The following C2CD5 variants were observed in gnomAD, a reference collection of about 807,000 sequenced individuals.
C2CD5 encodes the protein C2 calcium dependent domain containing 5.
Under a neutral mutation model 130.3 loss-of-function variants are expected in C2CD5, and 109 were observed. The observed-to-expected ratio is 0.84, with a 90% CI of 0.72 to 0.98. The LOEUF (loss-of-function observed/expected upper bound fraction) is 0.98, where lower values mean the gene tolerates loss of function less well. Ranked by LOEUF, C2CD5 falls within the 50% of genes least tolerant of loss-of-function variation. The pLI is 0.00. For missense variants in C2CD5, 996 were observed against 1,261.8 expected, an observed-to-expected ratio of 0.79 and a Z score of 3.19; for synonymous variants, 454 against 429.2, an observed-to-expected ratio of 1.06 and a Z score of -0.71.
At chr12:22,518,508 T>C (rs1389232788) in intron 7 of C2CD5, among the ~76,000 whole-genome samples, 1 of 152,216 alleles carries the variant, frequency 6.6e-6, no homozygotes, top group African/African-American at 2.4e-5. Flanking sequence ...TAAATATTCA[T>C]AATTGTTTTT....
chr12:22,510,259 C>T (rs1411830561), intron 9 of C2CD5, among the ~76,000 whole-genome samples: 2 of 152,024 alleles, frequency 1.3e-5, no homozygotes, highest in African/African-American at 4.8e-5. Flanking sequence ...GCACATCCCG[C>T]TTTCAATGTC....
At chr12:22,467,999 A>AC (rs1227825322) in intron 22 of C2CD5, among the ~76,000 whole-genome samples, 1 of 151,474 alleles carries the variant, frequency 6.6e-6, no homozygotes, top group Non-Finnish European at 1.5e-5. Context: ...GCTAACAGGG[A>AC]CCCCAAGTCC....
intron 6 of C2CD5, 117 bp downstream of exon 6, chr12:22,524,355 T>G: frequency 1.3e-6 from 1 of 772,712 alleles, no homozygotes; most frequent in South Asian, 1.6e-5. Context: ...GGGGAAGGCA[T>G]GCAGTCACTT....
intron 7 of C2CD5, among the ~76,000 whole-genome samples, chr12:22,518,760 G>A (rs76674134): frequency 0.021 from 3,195 of 152,260 alleles, 116 homozygotes; most frequent in African/African-American, 0.07. Flanking sequence ...AGCTTTGGCA[G>A]CTATTTCATT....
chr12:22,471,378 A>T, intron 20 of C2CD5, 21 bp downstream of exon 20: 1 of 1,225,374 alleles, frequency 8.2e-7, no homozygotes, highest in Non-Finnish European at 1.2e-6. Flanking sequence ...AAAGACTAAT[A>T]ATGGACTAAA....
chr12:22,461,703 C>T (rs1941193618), intron 22 of C2CD5, among the ~76,000 whole-genome samples: 1 of 151,922 alleles, frequency 6.6e-6, no homozygotes, highest in Non-Finnish European at 1.5e-5. Flanking sequence ...TCACGATATA[C>T]ATGTATTACT....
chr12:22,506,138 C>A (rs1948502736), intron 10 of C2CD5, among the ~76,000 whole-genome samples: 1 of 152,076 alleles, frequency 6.6e-6, no homozygotes, highest in Non-Finnish European at 1.5e-5. Flanking sequence ...TGGTTTGGTT[C>A]CCTCTGCTAC....
intron 25 of C2CD5, among the ~76,000 whole-genome samples, chr12:22,456,210 T>C (rs1939820525): frequency 6.6e-6 from 1 of 152,180 alleles, no homozygotes; most frequent in Non-Finnish European, 1.5e-5. Context: ...ATAATGAATA[T>C]ACTTTTTAAA....
In C2CD5 at chr12:22,484,764, G is replaced by T. The variant is rs1453911345; in HGVS notation, c.1483C>A (p.Leu495Met). The T allele has an allele frequency of 6.2e-7, 1 of 1,609,966 alleles. No homozygotes were observed. Among genetic ancestry groups the T allele is most frequent in the Non-Finnish European group, 8.5e-7 (1 of 1,177,744 alleles). The change falls in exon 13 of 27, where the codon CTG (leucine) becomes ATG (methionine). Residue 495 changes from leucine to methionine, a missense_variant. By Grantham distance (15) the Leu-to-Met change is conservative (BLOSUM62 2). Around this residue, in one of 9 missense-constraint regions of C2CD5, gnomAD observed 590 missense variants for 631.4 expected, o/e 0.93. Coordinates refer to ENST00000446597, the MANE Select transcript of C2CD5 (RefSeq NM_001286176.2). ...GTTGGGAGGTCTATAGTTGTAAACA[G>T]AACATCAGGAACTTTTTGTTTCCTG... ...NCRKQKVPDVLFTTIDLPTDA... is the reference protein window; with the variant it reads ...NCRKQKVPDVMFTTIDLPTDA...
At chr12:22,471,251 T>C (rs1383435830) in intron 20 of C2CD5, 148 bp downstream of exon 20, 7 of 594,938 alleles carry the variant, frequency 1.2e-5, no homozygotes, top group South Asian at 4.8e-5. Flanking sequence ...GAAACACACA[T>C]GGCCTAATGC....
intron 24 of C2CD5, 94 bp from the exon 25 acceptor site, chr12:22,457,255 C>T: frequency 3.8e-6 from 3 of 792,626 alleles, no homozygotes; most frequent in East Asian, 3.0e-5. Flanking sequence ...CAACATTCAG[C>T]TGTCTGTGAG....
In C2CD5 at chr12:22,474,909, G is replaced by C; in HGVS notation, c.1903-18C>G. On this transcript the variant is annotated intron_variant, in intron 15 of 26. Transcript: ENST00000446597. ...GATATCTCCTAAAAGAAATATAATT[G>C]TTTTATATCATATGAGATTGTCTTT... 1 of 1,513,686 alleles carries C rather than the reference G, an allele frequency of 6.6e-7. No homozygotes were observed. 93.8% of individuals were successfully genotyped at this position (1,513,686 alleles called of 1,614,324 possible). A position where few individuals can be genotyped will look rare whatever the true frequency, so the allele number is the denominator to read the frequency against.
chr12:22,535,373 A>T, intron 2 of C2CD5, 29 bp from the exon 3 acceptor site: 1 of 1,154,314 alleles, frequency 8.7e-7, no homozygotes, highest in Non-Finnish European at 1.3e-6. Flanking sequence ...TTATTCACAT[A>T]TGAATATCAA....
chr12:22,514,245 TACC>T (rs1949488313), intron 8 of C2CD5, among the ~76,000 whole-genome samples: 1 of 152,184 alleles, frequency 6.6e-6, no homozygotes, highest in Non-Finnish European at 1.5e-5. Flanking sequence ...CAGCCAAATT[TACC>T]ACAACGACTT....
chr12:22,530,557 A>C (rs928004829), intron 3 of C2CD5, among the ~76,000 whole-genome samples: 1 of 151,798 alleles, frequency 6.6e-6, no homozygotes, highest in African/African-American at 2.4e-5. Flanking sequence ...TCCCAGGTTC[A>C]AGCGATTCTT....
At chr12:22,476,831 G>A (rs1943912434) in intron 15 of C2CD5, among the ~76,000 whole-genome samples, 1 of 151,894 alleles carries the variant, frequency 6.6e-6, no homozygotes, top group Non-Finnish European at 1.5e-5. Context: ...AATAAATGAA[G>A]AATATATGAA....
At chr12:22,478,181 G>A (rs2136252744) in intron 15 of C2CD5, 132 bp downstream of exon 15, 1 of 703,508 alleles carries the variant, frequency 1.4e-6, no homozygotes, top group East Asian at 2.7e-5. Flanking sequence ...AAGACATAAA[G>A]GGAGGTGAAA....
intron 8 of C2CD5, among the ~76,000 whole-genome samples, chr12:22,516,874 G>A (rs1177943888): frequency 6.6e-6 from 1 of 151,658 alleles, no homozygotes; most frequent in Non-Finnish European, 1.5e-5. Context: ...AACCTCGTAA[G>A]GTGCCAAATT....
chr12:22,538,504 C>T (rs560606032), intron 2 of C2CD5, among the ~76,000 whole-genome samples: 1 of 152,250 alleles, frequency 6.6e-6, no homozygotes, highest in African/African-American at 2.4e-5. Context: ...GGAGTATTTA[C>T]GAATACGCTT....
Sources: gnomAD v4.1 joint callset for allele counts (sites outside exome capture counted in the v4.1 genomes callset) on GRCh38, gnomAD v4.1.1 for gene constraint, gnomAD v4.1.1 regional missense constraint, MANE v1.5 for transcripts, NCBI Gene and HGNC (gene_info 2026-07-23, HGNC 2026-07-21) for gene names.